PKHD1: variants seen among roughly 807,000 people sequenced by gnomAD.
The protein encoded by PKHD1 is fibrocystin.
In PKHD1, 291 loss-of-function variants were observed where a neutral mutation model predicts 412.0. That is an observed-to-expected ratio of 0.71 (90% CI 0.64 to 0.78). The LOEUF is 0.78. PKHD1 is among the 30% of genes least tolerant of loss of function. The probability of loss-of-function intolerance (pLI) is 0.00; values close to 1 mark genes in which losing one functional copy is unlikely to be tolerated. For missense variants in PKHD1, 4,825 were observed against 4,950.7 expected (o/e 0.97, Z 0.76); for synonymous variants, 1,777 against 1,821.5 (o/e 0.98, Z 0.62).
chr6:51,690,604 G>T (rs1390247279), intron 60 of PKHD1, among the ~76,000 whole-genome samples: 1 of 152,110 alleles, frequency 6.6e-6, no homozygotes, highest in South Asian at 2.1e-4. Context: ...GGGAGAACTG[G>T]CTAGCAACAG....
chr6:51,781,301 A>C lies in PKHD1; in HGVS notation c.8441-5380T>G, dbSNP rs78876141. 1.0e-3 allele frequency among the ~76,000 whole-genome samples: 158 copies of C among 152,312 alleles called. No homozygotes were observed. The East Asian group carries it at 0.019, about 19-fold the overall frequency. ...CCATCTGAAAATAAATGTAGGGTAGAATGGGGCTTGCAGTCCAGTAAGATA... is the reference window on the plus strand; with the variant it reads ...CCATCTGAAAATAAATGTAGGGTAGCATGGGGCTTGCAGTCCAGTAAGATA... On this transcript the variant is annotated intron_variant, in intron 53 of 66. Transcript: ENST00000371117.
In PKHD1 at chr6:51,883,107, G is replaced by T. The variant is rs1191344377; in HGVS notation, c.7336C>A (p.His2446Asn). Residue 2446 changes from histidine to asparagine, a missense_variant, in exon 46 of 67, where the codon CAT becomes AAT. By Grantham distance (68) the His-to-Asn change is moderately conservative (BLOSUM62 1). Coordinates refer to ENST00000371117, the MANE Select transcript of PKHD1 (RefSeq NM_138694.4). The part of the protein sequence containing the change: ...TSVTDSLLLG[H>N]FAHKGSLCMS... ...AAGGCACTTACCTTGTGGGCAAAAT[G>T]ACCAAGTAATAAGCTGTCAGTAACT... 1.9e-6 allele frequency: 3 copies of T among 1,613,134 alleles called. No homozygotes were observed. Among genetic ancestry groups the T allele is most frequent in the Admixed American group, 3.3e-5 (2 of 59,970 alleles).
intron 36 of PKHD1, among the ~76,000 whole-genome samples, chr6:51,943,291 C>T (rs879923039): frequency 6.6e-6 from 1 of 151,314 alleles, no homozygotes; most frequent in Non-Finnish European, 1.5e-5. Flanking sequence ...ACTCGGAATG[C>T]TACAAGGTAC....
At chr6:52,050,380 A>C in intron 21 of PKHD1, 85 bp from the exon 22 acceptor site, 2 of 1,365,102 alleles carry the variant, frequency 1.5e-6, no homozygotes, top group South Asian at 2.3e-5. Flanking sequence ...AATGTGAGTT[A>C]CTCAGATCTC....
At chr6:52,066,124 A>G (rs1393401734) in intron 11 of PKHD1, 47 bp from the exon 12 acceptor site, 1 of 844,390 alleles carries the variant, frequency 1.2e-6, no homozygotes, top group Non-Finnish European at 2.0e-6. Context: ...AATATAGACC[A>G]GAATATGACC....
At chr6:51,649,713 C>T (rs778504707) in intron 61 of PKHD1, among the ~76,000 whole-genome samples, 6 of 152,094 alleles carry the variant, frequency 3.9e-5, no homozygotes, top group Non-Finnish European at 8.8e-5. Context: ...CTGAGCAGAG[C>T]TGGGAAGAGA....
rs1334720219 is a variant in PKHD1, at chr6:52,046,014, T to C, written c.2582A>G (p.Asn861Ser). ...GGATACTATACATACCCTGATAAAA[T>C]TGGGCAAATCCCCAATCTGAGTGGA... ...SWSTQIGDLP[N>S]FIRVSDENLT... The change falls in exon 24 of 67, where the codon AAT becomes AGT. Residue 861 changes from asparagine to serine, a missense_variant. Transcript: ENST00000371117. 1 of 1,612,860 alleles carries C rather than the reference T, an allele frequency of 6.2e-7. No individual in the cohort carries two copies. Among genetic ancestry groups the C allele is most frequent in the Non-Finnish European group, 8.5e-7 (1 of 1,178,956 alleles).
chr6:51,723,135 G>GTTT, intron 60 of PKHD1, among the ~76,000 whole-genome samples: 1 of 152,150 alleles, frequency 6.6e-6, no homozygotes, highest in Non-Finnish European at 1.5e-5. Context: ...TCACATCTCA[G>GTTT]TTTTTTCTCT....
chr6:51,657,258 G>C (rs368400552), intron 61 of PKHD1, among the ~76,000 whole-genome samples: 1 of 152,030 alleles, frequency 6.6e-6, no homozygotes, highest in African/African-American at 2.4e-5. Context: ...AAGAAACAAG[G>C]CTGGCTCTGG....
chr6:52,072,297 C>G lies in PKHD1; in HGVS notation c.528-108G>C, dbSNP rs979523226. On this transcript the variant is annotated intron_variant, in intron 7 of 66. Transcript: ENST00000371117. Reference sequence around the variant, plus strand: ...GAAACATGGCTATGAACACTCTCCTCTGGATTTTTCTGCACTATTGCAGGT... The same window carrying G: ...GAAACATGGCTATGAACACTCTCCTGTGGATTTTTCTGCACTATTGCAGGT... 1.5e-5 allele frequency: 11 copies of G among 756,436 alleles called. No individual in the cohort carries two copies. The African/African-American group carries it at 1.9e-4, about 13-fold the overall frequency. The allele number at this position is 756,436 out of a possible 1,614,324, so 46.9% of individuals were successfully genotyped here.
rs1466831280 is a variant in PKHD1, at chr6:51,659,670, A to G, written c.10456T>C (p.Leu3486=). 7 of 1,613,870 alleles carry G rather than the reference A, an allele frequency of 4.3e-6. No individual in the cohort carries two copies. The highest frequency in any genetic ancestry group is 2.2e-5 in the East Asian group (1 of 44,838). Residue 3486 remains leucine, a synonymous_variant, in exon 61 of 67, where the codon TTG becomes CTG. Coordinates refer to ENST00000371117, the MANE Select transcript of PKHD1 (RefSeq NM_138694.4). The part of the protein sequence containing the change: ...QTPQVLRFFL[L]GNKSTSKLLL... ...AGCTTGGAGGTACTTTTGTTCCCCA[A>G]TAGAAAAAAGCGCAAAACTTGAGGA...
At chr6:51,629,181 A>G (rs553424022) in intron 65 of PKHD1, among the ~76,000 whole-genome samples, 3 of 152,292 alleles carry the variant, frequency 2.0e-5, no homozygotes, top group Admixed American at 1.3e-4. Flanking sequence ...AGTCTCCAAA[A>G]GCAAATGCAA....
chr6:51,706,879 C>T (rs111601931), intron 60 of PKHD1, among the ~76,000 whole-genome samples: 1 of 152,258 alleles, frequency 6.6e-6, no homozygotes, highest in African/African-American at 2.4e-5. Context: ...GGCAGTGTTG[C>T]TATAAGTTGA....
Position 51,909,330 on chromosome 6 carries a change from G to C in PKHD1, c.6635C>G (p.Ala2212Gly), listed in dbSNP as rs142976025. 8 of 1,613,358 alleles carry C rather than the reference G, an allele frequency of 5.0e-6. No individual in the cohort carries two copies. In the African/African-American group the frequency reaches 9.4e-5, roughly 19 times the overall value. Residue 2212 changes from alanine to glycine, a missense_variant, in exon 40 of 67, where the codon GCC becomes GGC. Ala to Gly is a moderately conservative substitution (Grantham distance 60, BLOSUM62 0). Transcript: ENST00000371117. Reference sequence around the variant, plus strand: ...GAGTGAGCTCAGATGCTTATGGAAGGCTTGCCCCAAGACTTGAAACTGCAC... The same window carrying C: ...GAGTGAGCTCAGATGCTTATGGAAGCCTTGCCCCAAGACTTGAAACTGCAC... ...KGVQFQVLGQ[A>G]FHKHLSSLTL...
At chr6:51,890,817 G>A (rs1334400771) in intron 43 of PKHD1, among the ~76,000 whole-genome samples, 1 of 152,190 alleles carries the variant, frequency 6.6e-6, no homozygotes, top group African/African-American at 2.4e-5. Context: ...ATTTAAGGAG[G>A]ATGAGGGTTC....
At position 51,847,882 on chromosome 6, in the gene PKHD1, C is replaced by T. The variant is rs1771493221; in HGVS notation, c.8000G>A (p.Arg2667Lys). The change falls in exon 50 of 67, where the codon AGA (arginine) becomes AAA (lysine). Residue 2667 changes from arginine to lysine, a missense_variant. Arg to Lys is a conservative substitution (Grantham distance 26). Transcript: ENST00000371117. ...AGACAGACCCACTCGACTCCCACAT[C>T]TTAGGAGGATGTCAGGGTAAGGCGG... The part of the protein sequence containing the change: ...DLPPYPDILL[R>K]CGSRVGLSFP... 20 of 1,613,810 alleles carry T rather than the reference C, an allele frequency of 1.2e-5. No homozygotes were observed. In the East Asian group the frequency reaches 4.2e-4, roughly 34 times the overall value.
intron 39 of PKHD1, among the ~76,000 whole-genome samples, chr6:51,910,949 C>T (rs1453800576): frequency 6.6e-6 from 1 of 152,098 alleles, no homozygotes; most frequent in Admixed American, 6.6e-5. Flanking sequence ...CTCCAGCTCC[C>T]TTTGACCTTT....
chr6:52,013,369 T>C (rs1205539781), intron 34 of PKHD1, among the ~76,000 whole-genome samples: 1 of 152,230 alleles, frequency 6.6e-6, no homozygotes, highest in African/African-American at 2.4e-5. Context: ...CAGCTTCAGC[T>C]CACACTTTTT....
intron 37 of PKHD1, among the ~76,000 whole-genome samples, chr6:51,920,384 C>T (rs1420582206): frequency 6.6e-6 from 1 of 152,100 alleles, no homozygotes; most frequent in East Asian, 1.9e-4. Flanking sequence ...TTGAGATAAT[C>T]ATGTGGTTTT....
Sources: gnomAD v4.1 joint callset for allele counts (sites outside exome capture counted in the v4.1 genomes callset) on GRCh38, gnomAD v4.1.1 for gene constraint, MANE v1.5 for transcripts, NCBI Gene and HGNC (gene_info 2026-07-23, HGNC 2026-07-21) for gene names.